Variants in ATP2B2 observed in about 807,000 individuals in gnomAD.
ATP2B2 encodes the protein plasma membrane calcium-transporting ATPase 2.
In ATP2B2, 15 loss-of-function variants were observed where a neutral mutation model predicts 120.0. The observed-to-expected ratio is 0.12, with a 90% CI of 0.08 to 0.19. The LOEUF is 0.19. ATP2B2 is among the 10% of genes least tolerant of loss of function. The pLI is 1.00. For missense variants in ATP2B2, 1,045 were observed against 1,719.8 expected (o/e 0.61, Z 6.94); for synonymous variants, 694 against 700.3 (o/e 0.99, Z 0.14).
In ATP2B2 at chr3:10,371,945, C is replaced by T. The variant is rs758734872; in HGVS notation, c.1523G>A (p.Arg508His). 3 of 1,614,194 alleles carry T rather than the reference C, an allele frequency of 1.9e-6. No individual in the cohort carries two copies. The highest frequency in any genetic ancestry group is 2.2e-5 in the East Asian group (1 of 44,888). ...SDKTGTLTTNRMTVVQAYVGD... is the reference protein window; with the variant it reads ...SDKTGTLTTNHMTVVQAYVGD... ...GACATAGGCCTGTACCACTGTCATG[C>T]GATTGGTGGTCAGCGTGCCTGTCTT... is the stretch of plus-strand genomic sequence containing the variant. Residue 508 changes from arginine to histidine, a missense_variant, in exon 12 of 23, where the codon CGC becomes CAC. Around this residue, in one of 11 missense-constraint regions of ATP2B2, gnomAD observed 343 missense variants for 536.8 expected, o/e 0.64. Transcript: ENST00000360273.
At chr3:10,607,000 CAG>C (rs57334112) in intron 2 of ATP2B2, among the ~76,000 whole-genome samples, 127,521 of 145,952 alleles carry the variant, frequency 0.87, 55,408 homozygotes, top group Middle Eastern at 0.95. Flanking sequence ...GAGAGAGAGA[CAG>C]AGAGAGAGAG....
intron 2 of ATP2B2, among the ~76,000 whole-genome samples, chr3:10,616,467 C>T (rs537181615): frequency 3.2e-4 from 48 of 152,298 alleles, no homozygotes; most frequent in African/African-American, 1.1e-3. Context: ...TTTAAGCCCT[C>T]CAGTCTGTGG....
intron 1 of ATP2B2, among the ~76,000 whole-genome samples, chr3:10,652,604 G>A (rs1331177797): frequency 2.0e-5 from 3 of 152,156 alleles, no homozygotes; most frequent in African/African-American, 7.2e-5. Flanking sequence ...TCCCATTCCT[G>A]AGTATATACC....
intron 2 of ATP2B2, among the ~76,000 whole-genome samples, chr3:10,423,011 G>A (rs2063036972): frequency 6.6e-6 from 1 of 152,160 alleles, no homozygotes; most frequent in Non-Finnish European, 1.5e-5. Context: ...TGGTGACCAG[G>A]ACTCATCTAG....
At chr3:10,514,939 G>C (rs1473485842) in intron 3 of ATP2B2, among the ~76,000 whole-genome samples, 1 of 152,202 alleles carries the variant, frequency 6.6e-6, no homozygotes, top group East Asian at 1.9e-4. Context: ...GCAGTGGGCC[G>C]GGAGAGTGCT....
At position 10,340,377 on chromosome 3, in the gene ATP2B2, AG is replaced by A; in HGVS notation, c.3130-29del. 1 of 1,611,004 alleles carries A rather than the reference AG, an allele frequency of 6.2e-7. No homozygotes were observed. On this transcript the variant is annotated intron_variant, in intron 20 of 22. Transcript: ENST00000360273. The surrounding 1 kb of genome is among the most constrained non-coding windows in gnomAD (Gnocchi z 5.0). ...GGAGGTCACAGGGGAGCAGAGAAAG[AG>A]AGAGAGAGAGGCCATCAGGGACCAG...
At chr3:10,454,043 T>TCATC (rs958266923) in intron 1 of ATP2B2, among the ~76,000 whole-genome samples, 2 of 142,240 alleles carry the variant, frequency 1.4e-5, no homozygotes, top group East Asian at 2.0e-4. Flanking sequence ...ACCCATCCAC[T>TCATC]CATCCATCCA....
In ATP2B2 at chr3:10,623,944, G is replaced by T. The variant is rs189070751; in HGVS notation, c.-459-3983C>A. 2.6e-5 allele frequency among the ~76,000 whole-genome samples: 4 copies of T among 152,300 alleles called. No individual in the cohort carries two copies. In the East Asian group the frequency reaches 7.7e-4, roughly 29 times the overall value. ...CCTGTGAGATGTTAGGCAAATGCCA[G>T]CTGCTCTTGGGGCCCGAGTTTCCTT... On this transcript the variant is annotated intron_variant, in intron 1 of 21. Coordinates refer to the ATP2B2 transcript ENST00000646379.
At chr3:10,677,404 G>A (rs1232635736) in intron 1 of ATP2B2, among the ~76,000 whole-genome samples, 2 of 152,182 alleles carry the variant, frequency 1.3e-5, no homozygotes, top group African/African-American at 2.4e-5. Context: ...AGGGGTTGGG[G>A]GAAGGGAGGG....
At chr3:10,503,727 G>A (rs1004319939) in intron 1 of ATP2B2, among the ~76,000 whole-genome samples, 2 of 152,240 alleles carry the variant, frequency 1.3e-5, no homozygotes, top group Non-Finnish European at 2.9e-5. Context: ...GGGCAGGCAC[G>A]CAGATGGCAT....
chr3:10,566,255 GT>G (rs2078290243), intron 2 of ATP2B2: 1 of 152,230 alleles, frequency 6.6e-6, no homozygotes, highest in Non-Finnish European at 1.5e-5. Flanking sequence ...GAGACCCGGG[GT>G]AAGAGCTGAT....
intron 1 of ATP2B2, among the ~76,000 whole-genome samples, chr3:10,499,931 C>CTTT (rs57211710): frequency 0.014 from 1,623 of 117,502 alleles, 41 homozygotes; most frequent in African/African-American, 0.045. Context: ...TGGGCACATT[C>CTTT]TTTTTTTTTT....
chr3:10,589,500 A>T (rs2068592503), intron 2 of ATP2B2, among the ~76,000 whole-genome samples: 1 of 152,220 alleles, frequency 6.6e-6, no homozygotes. Context: ...ATGCAAGTAT[A>T]TGTTAATGCT....
chr3:10,441,515 C>T (rs1340904665), intron 2 of ATP2B2, among the ~76,000 whole-genome samples: 1 of 152,234 alleles, frequency 6.6e-6, no homozygotes, highest in Non-Finnish European at 1.5e-5. Context: ...GCTGGGATTA[C>T]TGGTGCGAGC....
intron 1 of ATP2B2, among the ~76,000 whole-genome samples, chr3:10,687,562 A>C (rs556180128): frequency 6.6e-6 from 1 of 152,208 alleles, no homozygotes; most frequent in Non-Finnish European, 1.5e-5. Context: ...AAAGATGGAA[A>C]TAAAAAGAGC....
chr3:10,700,970 T>C (rs2071809041), intron 1 of ATP2B2, among the ~76,000 whole-genome samples: 1 of 152,240 alleles, frequency 6.6e-6, no homozygotes, highest in Non-Finnish European at 1.5e-5. Flanking sequence ...TTGGCCAAAG[T>C]AAGGCATGTG....
At chr3:10,534,961 T>G (rs540550595) in intron 2 of ATP2B2, among the ~76,000 whole-genome samples, 1 of 140,686 alleles carries the variant, frequency 7.1e-6, no homozygotes, top group Non-Finnish European at 1.5e-5. Flanking sequence ...TGGAGTGCAA[T>G]GGCATGATCT....
intron 4 of ATP2B2, among the ~76,000 whole-genome samples, chr3:10,401,494 A>G (rs138656243): frequency 1.1e-4 from 17 of 152,248 alleles, no homozygotes; most frequent in African/African-American, 3.9e-4. Flanking sequence ...CGTCAAGGGG[A>G]TGTGTGCCTT....
intron 1 of ATP2B2, among the ~76,000 whole-genome samples, chr3:10,686,617 G>A (rs2071531845): frequency 6.6e-6 from 1 of 151,650 alleles, no homozygotes; most frequent in African/African-American, 2.4e-5. Context: ...TCATGCCACT[G>A]CACTCCAGCC....
Sources: allele counts gnomAD v4.1 joint callset (sites outside exome capture counted in the v4.1 genomes callset), GRCh38; gene constraint gnomAD v4.1.1; regional missense constraint gnomAD v4.1.1; non-coding constraint Gnocchi (gnomAD v3.1); transcripts MANE v1.5; gene names NCBI Gene and HGNC (gene_info 2026-07-23, HGNC 2026-07-21).